Variants in LRRC4C observed in about 807,000 individuals in gnomAD.
The protein encoded by LRRC4C is leucine-rich repeat-containing protein 4C.
Under a neutral mutation model 33.6 loss-of-function variants are expected in LRRC4C, and 5 were observed. The observed-to-expected ratio is 0.15, with a 90% CI of 0.08 to 0.31. The LOEUF (loss-of-function observed/expected upper bound fraction) is 0.31. LRRC4C is among the 10% of genes least tolerant of loss of function. The pLI is 1.00. For missense variants in LRRC4C, 560 were observed against 796.7 expected (o/e 0.70, Z 3.58); for synonymous variants, 329 against 302.0 (o/e 1.09, Z -0.93).
chr11:41,274,925 AG>A (rs1477301892), intron 1 of LRRC4C, among the ~76,000 whole-genome samples: 2 of 152,070 alleles, frequency 1.3e-5, no homozygotes, highest in African/African-American at 4.8e-5. Context: ...TGTGATTCCC[AG>A]TGTTGGAGGT....
At chr11:41,092,731 C>A (rs919004599) in intron 1 of LRRC4C, among the ~76,000 whole-genome samples, 12 of 152,196 alleles carry the variant, frequency 7.9e-5, no homozygotes, top group Non-Finnish European at 1.3e-4. Flanking sequence ...AGACAATATC[C>A]TGCTTTTAGT....
chr11:40,176,644 A>G (rs1460332983), intron 5 of LRRC4C, among the ~76,000 whole-genome samples: 1 of 151,858 alleles, frequency 6.6e-6, no homozygotes, highest in East Asian at 1.9e-4. Context: ...TGCCTCAAGC[A>G]ATCCTCCAGC....
Position 41,123,165 on chromosome 11 carries a change from C to T in LRRC4C, c.-495-189442G>A, listed in dbSNP as rs1391582589. ...CAGGCAGCCTCTCTTGAAGCACCTC[C>T]AAGGAGGGTAAATTCCCTGGTCAGT... On this transcript the variant is annotated intron_variant, in intron 1 of 6. Coordinates refer to ENST00000528697, the MANE Select transcript of LRRC4C (RefSeq NM_001258419.2). 2.0e-5 allele frequency among the ~76,000 whole-genome samples: 3 copies of T among 151,652 alleles called. No homozygotes were observed. The East Asian group carries it at 5.8e-4, about 29-fold the overall frequency.
chr11:40,780,797 T>TTA (rs1950182347), intron 2 of LRRC4C, among the ~76,000 whole-genome samples: 2 of 151,942 alleles, frequency 1.3e-5, no homozygotes, highest in African/African-American at 2.4e-5. Context: ...GCTTTTTTTT[T>TTA]TTTAATACGA....
intron 3 of LRRC4C, among the ~76,000 whole-genome samples, chr11:40,592,116 A>G (rs1052521374): frequency 6.6e-6 from 1 of 152,242 alleles, no homozygotes; most frequent in Non-Finnish European, 1.5e-5. Context: ...TGAAAGTACA[A>G]TGATGGGCCA....
chr11:40,376,115 GAGTA>G (rs1948650244), intron 3 of LRRC4C, among the ~76,000 whole-genome samples: 1 of 152,110 alleles, frequency 6.6e-6, no homozygotes, highest in Non-Finnish European at 1.5e-5. Context: ...AATATAATAT[GAGTA>G]AGTTTTATCG....
At position 41,279,417 on chromosome 11, in the gene LRRC4C, CA is replaced by C. The variant is rs1256422796; in HGVS notation, c.-496+180013del. Among the ~76,000 whole-genome samples the C allele has an allele frequency of 1.3e-3, 192 of 146,110 alleles. 2 individuals are homozygous for C. Among genetic ancestry groups the C allele is most frequent in the African/African-American group, 4.2e-3 (166 of 39,830 alleles). On this transcript the variant is annotated intron_variant, in intron 1 of 6. Transcript: ENST00000528697. ...ACACACACACACACACACACACACA[CA>C]CACACACACACCGTGGCAATCACTG...
intron 6 of LRRC4C, among the ~76,000 whole-genome samples, chr11:40,137,648 C>A (rs1857072914): frequency 2.0e-5 from 3 of 152,080 alleles, no homozygotes; most frequent in Admixed American, 6.5e-5. Flanking sequence ...AAATTAAGAA[C>A]AATGGAATTG....
At chr11:40,501,730 A>G (rs1954783217) in intron 3 of LRRC4C, among the ~76,000 whole-genome samples, 1 of 152,058 alleles carries the variant, frequency 6.6e-6, no homozygotes, top group African/African-American at 2.4e-5. Flanking sequence ...TGGGTCTGTG[A>G]TGGGAGGGGC....
intron 2 of LRRC4C, among the ~76,000 whole-genome samples, chr11:40,846,832 C>T: frequency 6.6e-6 from 1 of 152,018 alleles, no homozygotes; most frequent in East Asian, 1.9e-4. Context: ...CTCTTATTTC[C>T]ATGAGCAGTG....
At chr11:40,542,397 T>C (rs1026086330) in intron 3 of LRRC4C, among the ~76,000 whole-genome samples, 5 of 152,112 alleles carry the variant, frequency 3.3e-5, no homozygotes, top group African/African-American at 1.2e-4. Flanking sequence ...GCTGAAGTTT[T>C]CAAAGCTGTG....
chr11:41,085,928 C>CAAAAAA (rs10717008), intron 1 of LRRC4C, among the ~76,000 whole-genome samples: 6 of 80,176 alleles, frequency 7.5e-5, no homozygotes, highest in African/African-American at 1.4e-4. Context: ...TTTAAGACAC[C>CAAAAAA]AAAAAAAAAA....
intron 3 of LRRC4C, among the ~76,000 whole-genome samples, chr11:40,354,668 G>T (rs1565306055): frequency 6.6e-6 from 1 of 152,056 alleles, no homozygotes; most frequent in African/African-American, 2.4e-5. Context: ...TCCATCCAAG[G>T]CCCAAGGGCT....
At chr11:40,245,704 C>A (rs956547046) in intron 4 of LRRC4C, among the ~76,000 whole-genome samples, 2 of 152,150 alleles carry the variant, frequency 1.3e-5, no homozygotes. Context: ...AATTATTAAT[C>A]TATTCTAAGG....
intron 1 of LRRC4C, among the ~76,000 whole-genome samples, chr11:41,136,672 C>G (rs1943275314): frequency 6.6e-6 from 1 of 152,124 alleles, no homozygotes; most frequent in Non-Finnish European, 1.5e-5. Context: ...TTCAGGTGCA[C>G]CTCTTTCCAC....
chr11:41,143,661 A>G (rs1438932658), intron 1 of LRRC4C, among the ~76,000 whole-genome samples: 1 of 152,182 alleles, frequency 6.6e-6, no homozygotes, highest in Non-Finnish European at 1.5e-5. Context: ...CCTAGCTACA[A>G]TAACCCGGAA....
intron 1 of LRRC4C, among the ~76,000 whole-genome samples, chr11:41,325,133 T>A (rs1017940986): frequency 6.6e-6 from 1 of 152,168 alleles, no homozygotes; most frequent in African/African-American, 2.4e-5. Context: ...TCAAAAGAAA[T>A]CACTTTTGCC....
chr11:40,122,372 C>T (rs1191002650), intron 6 of LRRC4C, among the ~76,000 whole-genome samples: 3 of 152,148 alleles, frequency 2.0e-5, no homozygotes, highest in African/African-American at 4.8e-5. Flanking sequence ...TATTAAGCCC[C>T]GCATGCATTA....
At position 41,417,516 on chromosome 11, in the gene LRRC4C, G is replaced by A. The variant is rs185304185; in HGVS notation, c.-496+41915C>T. Reference sequence around the variant, plus strand: ...CAAGTTTCTTACTAAAAACCACTACGGAAGAGTTTGGCATAGGTCTAAACT... The same window carrying A: ...CAAGTTTCTTACTAAAAACCACTACAGAAGAGTTTGGCATAGGTCTAAACT... On this transcript the variant is annotated intron_variant, in intron 1 of 6. Transcript: ENST00000528697. Among the ~76,000 whole-genome samples the A allele has an allele frequency of 3.3e-5, 5 of 152,092 alleles. No individual in the cohort carries two copies. The East Asian group carries it at 5.8e-4, about 18-fold the overall frequency.
Sources: gnomAD v4.1 joint callset for allele counts (sites outside exome capture counted in the v4.1 genomes callset) on GRCh38, gnomAD v4.1.1 for gene constraint, MANE v1.5 for transcripts, NCBI Gene and HGNC (gene_info 2026-07-23, HGNC 2026-07-21) for gene names.